The following AGBL1 variants were observed in gnomAD, a reference collection of about 807,000 sequenced individuals.
AGBL1 encodes the protein cytosolic carboxypeptidase 4.
AGBL1 carries 130 observed loss-of-function variants against 118.9 expected under a neutral mutation model. The ratio of observed to expected loss-of-function variants is 1.09; its 90% confidence interval spans 0.95 to 1.26. The LOEUF is 1.26. AGBL1 is among the 50% of genes most tolerant of loss of function. AGBL1 has a pLI of 0.00. For missense variants in AGBL1, 1,584 were observed against 1,298.1 expected (o/e 1.22, Z -3.38); for synonymous variants, 555 against 478.9 (o/e 1.16, Z -2.08).
intron 21 of AGBL1, among the ~76,000 whole-genome samples, chr15:86,594,340 G>C (rs1471286015): frequency 1.3e-5 from 2 of 152,146 alleles, no homozygotes; most frequent in Non-Finnish European, 2.9e-5. Flanking sequence ...CTTTGATTTT[G>C]AGGTCTATTT....
At chr15:86,906,293 C>T (rs900476797) in intron 22 of AGBL1, among the ~76,000 whole-genome samples, 1 of 152,212 alleles carries the variant, frequency 6.6e-6, no homozygotes, top group African/African-American at 2.4e-5. Flanking sequence ...GAGGAAACTC[C>T]CCCTGCTCAC....
chr15:86,290,675 T>G (rs2079530236), intron 16 of AGBL1, among the ~76,000 whole-genome samples: 1 of 149,074 alleles, frequency 6.7e-6, no homozygotes, highest in Non-Finnish European at 1.5e-5. Flanking sequence ...TCTTATTATT[T>G]TTTATTTATT....
In AGBL1 at chr15:86,291,354, G is replaced by A. The variant is rs536220586; in HGVS notation, c.2221-3901G>A. Among the ~76,000 whole-genome samples, 5 of 142,506 alleles carry A rather than the reference G, an allele frequency of 3.5e-5. No individual in the cohort carries two copies. In the South Asian group the frequency reaches 1.1e-3, roughly 32 times the overall value. The allele number at this position is 142,506 out of a possible 152,430, so 93.5% of individuals were successfully genotyped here. A position where few individuals can be genotyped will look rare whatever the true frequency, so the allele number is the denominator to read the frequency against. ...TTTTGTATACATATATGTACAATGG[G>A]TTTATTTATGCACACACACAGAGAC... On this transcript the variant is annotated intron_variant, in intron 16 of 22. Transcript: ENST00000614907.
intron 21 of AGBL1, among the ~76,000 whole-genome samples, chr15:86,571,547 G>C (rs2084006205): frequency 6.6e-6 from 1 of 152,098 alleles, no homozygotes; most frequent in Non-Finnish European, 1.5e-5. Flanking sequence ...TCAGCTCACA[G>C]CAAAGAGGGT....
At chr15:86,224,972 G>A (rs1007315237) in intron 6 of AGBL1, 21 bp downstream of exon 6, 7 of 1,611,954 alleles carry the variant, frequency 4.3e-6, no homozygotes, top group African/African-American at 4.0e-5. Context: ...CTTTTGAAGG[G>A]TGGCTATTTC....
chr15:86,166,160 C>G (rs558378432), intron 5 of AGBL1, among the ~76,000 whole-genome samples: 2 of 152,322 alleles, frequency 1.3e-5, no homozygotes, highest in South Asian at 4.2e-4. Flanking sequence ...CCATTTATTA[C>G]TCCAAGACAC....
intron 21 of AGBL1, among the ~76,000 whole-genome samples, chr15:86,603,672 G>A (rs185918302): frequency 2.0e-4 from 30 of 152,010 alleles, no homozygotes; most frequent in South Asian, 2.1e-4. Context: ...CTCTCTTCCC[G>A]CCCCCTCCAT....
intron 21 of AGBL1, among the ~76,000 whole-genome samples, chr15:86,645,680 A>G (rs1278420099): frequency 1.3e-5 from 2 of 152,208 alleles, no homozygotes; most frequent in Non-Finnish European, 1.5e-5. Flanking sequence ...TAGAAACTAC[A>G]GTGATCAGCT....
intron 15 of AGBL1, among the ~76,000 whole-genome samples, chr15:86,272,348 A>G (rs989318096): frequency 1.4e-4 from 22 of 152,248 alleles, no homozygotes; most frequent in African/African-American, 5.3e-4. Context: ...CATTTTCTTC[A>G]GATGAAAAAT....
chr15:86,146,844 T>C (rs1597455926), intron 3 of AGBL1, among the ~76,000 whole-genome samples: 1 of 152,192 alleles, frequency 6.6e-6, no homozygotes, highest in African/African-American at 2.4e-5. Flanking sequence ...TTACAACCTC[T>C]TTGCTGGTGT....
chr15:86,274,145 G>A (rs972285177), intron 15 of AGBL1, among the ~76,000 whole-genome samples: 11 of 152,124 alleles, frequency 7.2e-5, no homozygotes, highest in Non-Finnish European at 1.5e-4. Context: ...AGGAAAAAAA[G>A]ATGAAATAAA....
intron 22 of AGBL1, among the ~76,000 whole-genome samples, chr15:86,830,370 T>A (rs927761574): frequency 5.9e-5 from 9 of 152,150 alleles, no homozygotes; most frequent in East Asian, 5.8e-4. Flanking sequence ...CTTATTTTTT[T>A]TAAAAAAAAC....
At chr15:86,483,511 A>G (rs1431224) in intron 18 of AGBL1, among the ~76,000 whole-genome samples, 70,440 of 151,892 alleles carry the variant, frequency 0.46, 16,922 homozygotes, top group Middle Eastern at 0.56. Context: ...CCAGGAACTC[A>G]TATTCTGAGG....
chr15:86,790,303 C>A (rs1210001808), intron 22 of AGBL1, among the ~76,000 whole-genome samples: 1 of 151,854 alleles, frequency 6.6e-6, no homozygotes, highest in Non-Finnish European at 1.5e-5. Context: ...ACTTCACCAG[C>A]TGAATAGAAA....
intron 21 of AGBL1, among the ~76,000 whole-genome samples, chr15:86,582,511 C>T (rs566012171): frequency 2.1e-4 from 32 of 152,112 alleles, no homozygotes; most frequent in East Asian, 1.9e-3. Flanking sequence ...CCCATTACTG[C>T]GTATATACCC....
chr15:86,298,296 ATGGTAGCTATATATATATAGGTAAC>A (rs1567185796), intron 17 of AGBL1, among the ~76,000 whole-genome samples: 16 of 103,346 alleles, frequency 1.5e-4, no homozygotes, highest in Non-Finnish European at 2.9e-4. Flanking sequence ...CTATATATAT[ATGGTAGCTATATATATATAGGTAAC>A]TATATATATG....
At chr15:86,404,061 G>A (rs1414551225) in intron 18 of AGBL1, among the ~76,000 whole-genome samples, 4 of 152,108 alleles carry the variant, frequency 2.6e-5, no homozygotes, top group Non-Finnish European at 5.9e-5. Context: ...GTTCATTTTG[G>A]TCTATCAGGT....
intron 22 of AGBL1, among the ~76,000 whole-genome samples, chr15:86,905,168 C>G (rs1234029810): frequency 6.7e-6 from 1 of 149,610 alleles, no homozygotes. Context: ...AATATTACAT[C>G]TGGTATGTCT....
chr15:86,400,538 G>T, intron 18 of AGBL1, among the ~76,000 whole-genome samples: 1 of 149,204 alleles, frequency 6.7e-6, no homozygotes, highest in Non-Finnish European at 1.5e-5. Flanking sequence ...GGTAATTTCT[G>T]GGATTTTGGT....
Sources: gnomAD v4.1 joint callset for allele counts (sites outside exome capture counted in the v4.1 genomes callset) on GRCh38, gnomAD v4.1.1 for gene constraint, MANE v1.5 for transcripts, NCBI Gene and HGNC (gene_info 2026-07-23, HGNC 2026-07-21) for gene names.